The following RASAL2 variants were observed in gnomAD, a reference collection of about 807,000 sequenced individuals.
RASAL2 encodes RAS protein activator like 2.
A neutral mutation model predicts 128.9 loss-of-function variants in RASAL2; 58 were observed. The observed-to-expected ratio is 0.45, with a 90% CI of 0.36 to 0.56. The LOEUF is 0.56. Among genes scored for constraint, RASAL2 ranks in the 20% least tolerant of loss-of-function variants. The pLI is 0.00. For missense variants in RASAL2, 1,360 were observed against 1,601.6 expected (o/e 0.85, Z 2.57); for synonymous variants, 561 against 580.8 (o/e 0.97, Z 0.49).
At chr1:178,241,332 G>A (rs2102051812) in intron 1 of RASAL2, among the ~76,000 whole-genome samples, 1 of 152,226 alleles carries the variant, frequency 6.6e-6, no homozygotes, top group Admixed American at 6.6e-5. Context: ...AGCTACAAAA[G>A]TACTATATGT....
intron 14 of RASAL2, among the ~76,000 whole-genome samples, chr1:178,463,884 C>A (rs527847722): frequency 6.6e-6 from 1 of 152,148 alleles, no homozygotes; most frequent in Non-Finnish European, 1.5e-5. Flanking sequence ...TGCTTTCTTT[C>A]TCTTATTTAA....
chr1:178,112,436 A>T (rs1558059575), intron 1 of RASAL2, among the ~76,000 whole-genome samples: 1 of 151,752 alleles, frequency 6.6e-6, no homozygotes, highest in Non-Finnish European at 1.5e-5. Flanking sequence ...TGTAATCTCA[A>T]CTACTCAGGA....
At chr1:178,100,361 C>CA (rs11300878) in intron 1 of RASAL2, among the ~76,000 whole-genome samples, 14 of 143,048 alleles carry the variant, frequency 9.8e-5, no homozygotes, top group African/African-American at 3.4e-4. Flanking sequence ...ACTATAAATA[C>CA]AAAAAAAAAA....
intron 4 of RASAL2, among the ~76,000 whole-genome samples, chr1:178,402,597 A>G (rs2102662614): frequency 6.6e-6 from 1 of 152,252 alleles, no homozygotes; most frequent in South Asian, 2.1e-4. Context: ...TTCCCCCTTC[A>G]TTTTATCCTT....
At chr1:178,449,126 A>G (rs1488909191) in intron 9 of RASAL2, among the ~76,000 whole-genome samples, 2 of 152,116 alleles carry the variant, frequency 1.3e-5, no homozygotes. Flanking sequence ...GAATTTTCAG[A>G]GAGAATTGAT....
chr1:178,299,663 A>G (rs955135956), intron 2 of RASAL2, among the ~76,000 whole-genome samples: 1 of 151,916 alleles, frequency 6.6e-6, no homozygotes, highest in Non-Finnish European at 1.5e-5. Context: ...ACGCCCAGCT[A>G]ATTTTTGTAT....
At chr1:178,417,587 C>T (rs1329895215) in intron 4 of RASAL2, among the ~76,000 whole-genome samples, 5 of 151,832 alleles carry the variant, frequency 3.3e-5, no homozygotes, top group Non-Finnish European at 7.4e-5. Context: ...CATGGAAAAA[C>T]ACCATCTCTA....
At chr1:178,153,189 A>G (rs1254512949) in intron 1 of RASAL2, among the ~76,000 whole-genome samples, 1 of 150,434 alleles carries the variant, frequency 6.6e-6, no homozygotes, top group Non-Finnish European at 1.5e-5. Flanking sequence ...TGCTGGTTTT[A>G]TCCTTGTGGT....
chr1:178,291,733 C>T (rs1667285816), intron 2 of RASAL2, among the ~76,000 whole-genome samples: 1 of 152,078 alleles, frequency 6.6e-6, no homozygotes, highest in Non-Finnish European at 1.5e-5. Context: ...TTCACCCACA[C>T]TTAAGAATTA....
intron 1 of RASAL2, among the ~76,000 whole-genome samples, chr1:178,168,824 T>A (rs1486768432): frequency 6.6e-6 from 1 of 152,104 alleles, no homozygotes; most frequent in African/African-American, 2.4e-5. Context: ...ATTTTAGAGT[T>A]TGTCACCGAG....
At chr1:178,321,713 G>A (rs1668791433) in intron 3 of RASAL2, among the ~76,000 whole-genome samples, 1 of 151,786 alleles carries the variant, frequency 6.6e-6, no homozygotes, top group Admixed American at 6.6e-5. Context: ...TGTAGGTCGG[G>A]TGCAGTGGCT....
intron 3 of RASAL2, among the ~76,000 whole-genome samples, chr1:178,376,437 G>C (rs1274241438): frequency 6.6e-6 from 1 of 152,100 alleles, no homozygotes; most frequent in Non-Finnish European, 1.5e-5. Context: ...GTGGAGGAGA[G>C]AGCAAGATCT....
At chr1:178,366,549 C>T (rs1242433650) in intron 3 of RASAL2, among the ~76,000 whole-genome samples, 1 of 150,906 alleles carries the variant, frequency 6.6e-6, no homozygotes, top group Non-Finnish European at 1.5e-5. Context: ...AACGCTCATC[C>T]GCTGTCACAT....
At chr1:178,360,801 C>T (rs1671066960) in intron 3 of RASAL2, among the ~76,000 whole-genome samples, 2 of 152,152 alleles carry the variant, frequency 1.3e-5, no homozygotes, top group Admixed American at 6.5e-5. Flanking sequence ...CACCTCGCTT[C>T]CAGTGGGTTG....
chr1:178,370,782 T>A (rs1441489727), intron 3 of RASAL2, among the ~76,000 whole-genome samples: 3 of 152,016 alleles, frequency 2.0e-5, no homozygotes, highest in Non-Finnish European at 4.4e-5. Flanking sequence ...TAAAACAAGG[T>A]CCATGTCCTC....
At chr1:178,170,742 G>T (rs530039091) in intron 1 of RASAL2, among the ~76,000 whole-genome samples, 2 of 151,204 alleles carry the variant, frequency 1.3e-5, no homozygotes, top group East Asian at 3.9e-4. Context: ...CAGTTCTTTA[G>T]GTTTTAAATA....
intron 1 of RASAL2, among the ~76,000 whole-genome samples, chr1:178,212,479 G>C (rs1663285942): frequency 6.6e-6 from 1 of 152,070 alleles, no homozygotes; most frequent in Non-Finnish European, 1.5e-5. Flanking sequence ...AGATGATGTA[G>C]ACTTCTAACT....
chr1:178,117,054 T>TA (rs1659544805), intron 1 of RASAL2, among the ~76,000 whole-genome samples: 1 of 152,194 alleles, frequency 6.6e-6, no homozygotes, highest in Non-Finnish European at 1.5e-5. Flanking sequence ...ACAGACCTGT[T>TA]AGATGGGTAA....
At chr1:178,173,310 G>A (rs1206945588) in intron 1 of RASAL2, among the ~76,000 whole-genome samples, 1 of 152,084 alleles carries the variant, frequency 6.6e-6, no homozygotes, top group Non-Finnish European at 1.5e-5. Context: ...TCTCCAGTAA[G>A]GCAGTGTGGT....
Sources: allele counts gnomAD v4.1 joint callset (sites outside exome capture counted in the v4.1 genomes callset), GRCh38; gene constraint gnomAD v4.1.1; transcripts MANE v1.5; gene names NCBI Gene and HGNC (gene_info 2026-07-23, HGNC 2026-07-21).